BBS9: variants seen among roughly 807,000 people sequenced by gnomAD.
The protein encoded by BBS9 is Bardet-Biedl syndrome 9.
BBS9 carries 89 observed loss-of-function variants against 117.7 expected under a neutral mutation model. The observed-to-expected ratio is 0.76, with a 90% confidence interval of 0.64 to 0.90. The LOEUF (loss-of-function observed/expected upper bound fraction) is 0.90, where lower values mean the gene tolerates loss of function less well. Among genes scored for constraint, BBS9 ranks in the 40% least tolerant of loss-of-function variants. BBS9 has a pLI of 0.00. For missense variants in BBS9, 982 were observed against 1,042.2 expected (o/e 0.94, Z 0.80); for synonymous variants, 379 against 370.9 (o/e 1.02, Z -0.25).
intron 4 of BBS9, among the ~76,000 whole-genome samples, chr7:33,156,880 G>GA (rs1209709772): frequency 3.3e-5 from 5 of 151,804 alleles, no homozygotes; most frequent in Non-Finnish European, 5.9e-5. Context: ...CTAGTGTCAG[G>GA]GCATTTATTT....
intron 19 of BBS9, among the ~76,000 whole-genome samples, chr7:33,419,304 A>G (rs1044690764): frequency 3.3e-5 from 5 of 152,244 alleles, no homozygotes; most frequent in African/African-American, 1.2e-4. Context: ...TATATCAATA[A>G]TGAAATAAAA....
At chr7:33,521,484 G>T (rs1044122193) in intron 20 of BBS9, among the ~76,000 whole-genome samples, 2 of 152,072 alleles carry the variant, frequency 1.3e-5, no homozygotes, top group Admixed American at 6.5e-5. Context: ...ACAAAGATAC[G>T]GAGAACTCCA....
At chr7:33,152,569 C>T in intron 2 of BBS9, 132 bp from the exon 3 acceptor site, 1 of 816,444 alleles carries the variant, frequency 1.2e-6, no homozygotes, top group Non-Finnish European at 1.9e-6. Flanking sequence ...ACAGAGTGGC[C>T]TTTGTGTATA....
intron 21 of BBS9, among the ~76,000 whole-genome samples, chr7:33,587,827 T>A (rs1861187484): frequency 6.6e-6 from 1 of 152,154 alleles, no homozygotes; most frequent in Admixed American, 6.6e-5. Context: ...ATGTTTATGT[T>A]ACCAGAGTGT....
At chr7:33,236,952 C>T (rs1793634748) in intron 5 of BBS9, among the ~76,000 whole-genome samples, 2 of 152,222 alleles carry the variant, frequency 1.3e-5, no homozygotes, top group South Asian at 4.1e-4. Flanking sequence ...TTTACACATG[C>T]ATACACATTA....
chr7:33,497,079 T>C (rs996093762), intron 19 of BBS9, among the ~76,000 whole-genome samples: 2 of 152,118 alleles, frequency 1.3e-5, no homozygotes, highest in African/African-American at 4.8e-5. Context: ...AGACTGAGAG[T>C]GCGCCTTTCC....
intron 5 of BBS9, among the ~76,000 whole-genome samples, chr7:33,256,847 G>C (rs1797155046): frequency 6.6e-6 from 1 of 152,010 alleles, no homozygotes; most frequent in Non-Finnish European, 1.5e-5. Context: ...AAAGGTTATA[G>C]CCACTAGATC....
chr7:33,281,883 T>C (rs1801974345), intron 9 of BBS9, among the ~76,000 whole-genome samples: 1 of 152,034 alleles, frequency 6.6e-6, no homozygotes, highest in South Asian at 2.1e-4. Context: ...GGTGTGAACA[T>C]GGCTCACTGC....
At chr7:33,569,017 C>T (rs1857345329) in intron 21 of BBS9, among the ~76,000 whole-genome samples, 1 of 152,120 alleles carries the variant, frequency 6.6e-6, no homozygotes, top group Non-Finnish European at 1.5e-5. Flanking sequence ...TAGTGTTTTG[C>T]ATACTCCCTC....
At chr7:33,220,555 G>A (rs1206580060) in intron 5 of BBS9, among the ~76,000 whole-genome samples, 3 of 152,160 alleles carry the variant, frequency 2.0e-5, no homozygotes, top group Non-Finnish European at 4.4e-5. Context: ...AAACATAAAG[G>A]CTACATTTAA....
intron 5 of BBS9, among the ~76,000 whole-genome samples, chr7:33,214,446 A>T (rs1788652634): frequency 6.6e-6 from 1 of 152,196 alleles, no homozygotes; most frequent in South Asian, 2.1e-4. Flanking sequence ...ATACTGTGAT[A>T]TGAAGTTAAA....
intron 19 of BBS9, among the ~76,000 whole-genome samples, chr7:33,475,313 G>C (rs1027588860): frequency 6.6e-5 from 10 of 152,296 alleles, no homozygotes; most frequent in African/African-American, 2.4e-4. Flanking sequence ...GCTAACCCCT[G>C]GAACCTTAGA....
At chr7:33,324,600 ATTT>A (rs34915663) in intron 9 of BBS9, among the ~76,000 whole-genome samples, 1 of 135,542 alleles carries the variant, frequency 7.4e-6, no homozygotes, top group Non-Finnish European at 1.6e-5. Context: ...GTTAACATCC[ATTT>A]TTTTTTTTTT....
At chr7:33,521,191 A>G (rs1157682534) in intron 20 of BBS9, among the ~76,000 whole-genome samples, 1 of 152,206 alleles carries the variant, frequency 6.6e-6, no homozygotes, top group Non-Finnish European at 1.5e-5. Flanking sequence ...CTCCATCTAA[A>G]GAATTTGGGG....
rs543344081 is a variant in BBS9 at position 33,462,571 on chromosome 7, G to A, written c.2116-42892G>A. On this transcript the variant is annotated intron_variant, in intron 19 of 22. Transcript: ENST00000242067. Reference sequence around the variant, plus strand: ...AATCACAGTAGCTGAATTTGAAACTGTAAACGTTCCTAATGTATGTAGTTC... The same window carrying A: ...AATCACAGTAGCTGAATTTGAAACTATAAACGTTCCTAATGTATGTAGTTC... 2.6e-5 allele frequency among the ~76,000 whole-genome samples: 4 copies of A among 152,190 alleles called. No homozygotes were observed. In the South Asian group the frequency reaches 8.3e-4, roughly 32 times the overall value.
At chr7:33,428,330 T>A (rs990684088) in intron 19 of BBS9, among the ~76,000 whole-genome samples, 1 of 152,184 alleles carries the variant, frequency 6.6e-6, no homozygotes, top group Non-Finnish European at 1.5e-5. Flanking sequence ...CAAATAGTTT[T>A]AAATATTTTA....
At chr7:33,283,597 C>T (rs1584085548) in intron 9 of BBS9, among the ~76,000 whole-genome samples, 1 of 152,170 alleles carries the variant, frequency 6.6e-6, no homozygotes, top group African/African-American at 2.4e-5. Context: ...TCTTTTATTT[C>T]ACTGATACAA....
Position 33,588,390 on chromosome 7 carries a change from GA to G in BBS9, c.2522-16473del, listed in dbSNP as rs1861319382. Among the ~76,000 whole-genome samples the G allele has an allele frequency of 4.6e-5, 7 of 152,246 alleles. No individual in the cohort carries two copies. The South Asian group carries it at 1.4e-3, about 32-fold the overall frequency. On this transcript the variant is annotated intron_variant, in intron 21 of 22. Coordinates refer to ENST00000242067, the MANE Select transcript of BBS9 (RefSeq NM_198428.3). ...GGCAGATAATACTATGTAAAAATTA[GA>G]ATTGATTTTGGTTTCCGTTGCTTCC...
At chr7:33,464,342 T>TA (rs1478256698) in intron 19 of BBS9, among the ~76,000 whole-genome samples, 1 of 152,096 alleles carries the variant, frequency 6.6e-6, no homozygotes, top group African/African-American at 2.4e-5. Flanking sequence ...GTTTTCTACT[T>TA]ACTCCCTGGC....
Sources: allele counts gnomAD v4.1 joint callset (sites outside exome capture counted in the v4.1 genomes callset), GRCh38; gene constraint gnomAD v4.1.1; transcripts MANE v1.5; gene names NCBI Gene and HGNC (gene_info 2026-07-23, HGNC 2026-07-21).